Variants in TRIO observed in about 807,000 individuals in gnomAD.
The protein encoded by TRIO is trio Rho guanine nucleotide exchange factor.
A neutral mutation model predicts 351.9 loss-of-function variants in TRIO; 58 were observed. The ratio of observed to expected loss-of-function variants is 0.16; its 90% CI spans 0.13 to 0.21. The LOEUF (loss-of-function observed/expected upper bound fraction) is 0.21. Ranked by LOEUF, TRIO falls within the 10% of genes least tolerant of loss-of-function variation. TRIO has a pLI of 1.00. For missense variants in TRIO, 3,201 were observed against 4,027.8 expected, an observed-to-expected ratio of 0.79 and a Z score of 5.56; for synonymous variants, 1,758 against 1,595.7, an observed-to-expected ratio of 1.10 and a Z score of -2.42.
chr5:14,405,289 AT>A (rs1748604562), intron 31 of TRIO, among the ~76,000 whole-genome samples: 1 of 152,168 alleles, frequency 6.6e-6, no homozygotes, highest in Admixed American at 6.5e-5. Flanking sequence ...TCAGTTGCTC[AT>A]TTATAAGACG....
rs752726450 is a variant in TRIO at position 14,488,182 on chromosome 5, C to A, written c.7554C>A (p.Ala2518=). Residue 2518 remains alanine, a synonymous_variant, in exon 48 of 57, where the codon GCC becomes GCA. Coordinates refer to ENST00000344204, the MANE Select transcript of TRIO (RefSeq NM_007118.4). ...SLQRQTPRHA[A]PGKDTDRMST... is the part of the protein sequence containing the mutation. Reference sequence around the variant, plus strand: ...AGCGGCAGACACCCCGCCACGCGGCCCCTGGCAAGGATACTGACCGCATGA... The same window carrying A: ...AGCGGCAGACACCCCGCCACGCGGCACCTGGCAAGGATACTGACCGCATGA... The A allele has an allele frequency of 1.2e-6, 2 of 1,600,908 alleles. No homozygotes were observed. The highest frequency in any genetic ancestry group is 1.7e-5 in the Admixed American group (1 of 59,840).
At chr5:14,263,119 TCTC>T (rs1342623328) in intron 1 of TRIO, among the ~76,000 whole-genome samples, 14 of 152,308 alleles carry the variant, frequency 9.2e-5, no homozygotes, top group Admixed American at 6.5e-5. Flanking sequence ...TAGGACATCT[TCTC>T]CTATTCTCAT....
intron 34 of TRIO, among the ~76,000 whole-genome samples, chr5:14,424,277 C>T (rs1478656339): frequency 3.3e-5 from 5 of 152,104 alleles, no homozygotes; most frequent in Non-Finnish European, 7.4e-5. Context: ...TACACCAACC[C>T]ATCATGTGAT....
intron 2 of TRIO, among the ~76,000 whole-genome samples, chr5:14,277,717 A>T (rs1735665297): frequency 6.6e-6 from 1 of 152,208 alleles, no homozygotes; most frequent in Non-Finnish European, 1.5e-5. Context: ...ACTTCCTGTG[A>T]TGTTGGAAAC....
intron 1 of TRIO, among the ~76,000 whole-genome samples, chr5:14,243,466 G>A (rs909656920): frequency 1.3e-5 from 2 of 151,960 alleles, no homozygotes; most frequent in African/African-American, 2.4e-5. Context: ...AAGTTTCCAT[G>A]TATCTGTTAT....
At chr5:14,330,940 C>G in intron 10 of TRIO, 40 bp downstream of exon 10, 2 of 1,607,464 alleles carry the variant, frequency 1.2e-6, no homozygotes, top group Non-Finnish European at 1.7e-6. Context: ...CATAAATACC[C>G]GTGTGGTTGA....
At chr5:14,396,523 G>T (rs1459521324) in intron 28 of TRIO, among the ~76,000 whole-genome samples, 2 of 122,670 alleles carry the variant, frequency 1.6e-5, no homozygotes, top group Non-Finnish European at 3.2e-5. Context: ...AGGCTGGAGT[G>T]CAGTGGCACA....
chr5:14,471,113 T>TTTATC (rs70964551), intron 37 of TRIO, among the ~76,000 whole-genome samples: 1 of 152,096 alleles, frequency 6.6e-6, no homozygotes, highest in African/African-American at 2.4e-5. Context: ...CATTCCAACT[T>TTTATC]TTTTCTCCAC....
intron 19 of TRIO, among the ~76,000 whole-genome samples, chr5:14,377,561 T>A (rs1745673455): frequency 6.6e-6 from 1 of 152,170 alleles, no homozygotes; most frequent in African/African-American, 2.4e-5. Context: ...GGTTTTTCTT[T>A]TTTTTTAATC....
intron 1 of TRIO, among the ~76,000 whole-genome samples, chr5:14,230,634 C>CATA (rs983037475): frequency 4.6e-5 from 7 of 152,134 alleles, no homozygotes; most frequent in Admixed American, 3.9e-4. Context: ...AATGTCTTCT[C>CATA]ATATACATAT....
intron 1 of TRIO, among the ~76,000 whole-genome samples, chr5:14,157,788 A>G (rs930958781): frequency 6.6e-6 from 1 of 151,852 alleles, no homozygotes; most frequent in African/African-American, 2.4e-5. Context: ...GGGTTTCGCC[A>G]TGTTGCCCAG....
Position 14,363,872 on chromosome 5 carries a change from C to T in TRIO, c.2532C>T (p.Asp844=), listed in dbSNP as rs55642404. 5.2e-5 allele frequency: 84 copies of T among 1,614,052 alleles called. No homozygotes were observed. The highest frequency in any genetic ancestry group is 1.6e-4 in the Middle Eastern group (1 of 6,084). The part of the protein sequence containing the change: ...KALTMNNLTF[D]VIHQGQDLLQ... The stretch of plus-strand genomic sequence containing the variant: ...TGACCATGAACAACTTGACTTTTGA[C>T]GTCATCCACCAAGGGCAAGATCTTC... The change falls in exon 14 of 57, where the codon GAC becomes GAT. Residue 844 remains aspartate, a synonymous_variant. Transcript: ENST00000344204.
chr5:14,478,793 A>AG (rs1451257898), intron 41 of TRIO, among the ~76,000 whole-genome samples: 1 of 151,514 alleles, frequency 6.6e-6, no homozygotes. Context: ...CTACAAAAAA[A>AG]AAAAAAAAAA....
intron 1 of TRIO, among the ~76,000 whole-genome samples, chr5:14,209,123 G>A (rs1288580034): frequency 6.6e-6 from 1 of 152,204 alleles, no homozygotes; most frequent in South Asian, 2.1e-4. Context: ...TTCCAGAAGA[G>A]GAAACTGAGG....
chr5:14,479,838 T>A, intron 42 of TRIO, 81 bp from the exon 43 acceptor site: 1 of 1,276,712 alleles, frequency 7.8e-7, no homozygotes, highest in South Asian at 1.3e-5. Context: ...AGTGTTGTAG[T>A]CTTTCTGACA....
Position 14,508,096 on chromosome 5 carries a change from TC to T in TRIO, c.8973del (p.Phe2992SerfsTer11). 1 of 1,614,146 alleles carries T rather than the reference TC, an allele frequency of 6.2e-7. No individual in the cohort carries two copies. Among genetic ancestry groups the T allele is most frequent in the Non-Finnish European group, 8.5e-7 (1 of 1,180,036 alleles). ...VLTYVLLSGVSPFLDDSVEET... is the reference protein window; with the variant it reads ...VLTYVLLSGVXPFLDDSVEET... ...CACATACGTACTTCTTAGTGGCGTG[TC>T]CCCCTTCCTGGATGACAGTGTGGAA... On this transcript the variant is annotated frameshift_variant, in exon 57 of 57. Transcript: ENST00000344204. LOFTEE classifies it high-confidence loss of function.
intron 2 of TRIO, among the ~76,000 whole-genome samples, chr5:14,278,874 T>G (rs1735758582): frequency 6.6e-6 from 1 of 152,222 alleles, no homozygotes; most frequent in African/African-American, 2.4e-5. Context: ...TTTTTACTAC[T>G]AAAAAAGAAG....
chr5:14,328,074 ATAATGTGCTCAATACAC>A (rs1476327335), intron 9 of TRIO, among the ~76,000 whole-genome samples: 5 of 152,272 alleles, frequency 3.3e-5, no homozygotes, highest in Non-Finnish European at 4.4e-5. Flanking sequence ...ATGAGTTAAA[ATAATGTGCTCAATACAC>A]TAATGTGCTC....
intron 16 of TRIO, among the ~76,000 whole-genome samples, chr5:14,367,845 C>T (rs1056466498): frequency 3.9e-5 from 6 of 152,166 alleles, no homozygotes; most frequent in Non-Finnish European, 8.8e-5. Context: ...GAGGTGCAAA[C>T]TCTGGGCATC....
Sources: allele counts gnomAD v4.1 joint callset (sites outside exome capture counted in the v4.1 genomes callset), GRCh38; gene constraint gnomAD v4.1.1; transcripts MANE v1.5; gene names NCBI Gene and HGNC (gene_info 2026-07-23, HGNC 2026-07-21).